ZNF560: variants seen among roughly 807,000 people sequenced by gnomAD.
The protein encoded by ZNF560 is zinc finger protein 560.
ZNF560 carries 54 observed loss-of-function variants against 81.8 expected under a neutral mutation model. That is an observed-to-expected ratio of 0.66 (90% CI 0.53 to 0.83). ZNF560 has a LOEUF of 0.83. ZNF560 is among the 40% of genes least tolerant of loss of function. The probability of loss-of-function intolerance (pLI) is 0.00; values close to 1 mark genes in which losing one functional copy is unlikely to be tolerated. For missense variants in ZNF560, 940 were observed against 932.4 expected, an observed-to-expected ratio of 1.01 and a Z score of -0.11; for synonymous variants, 321 against 317.9, an observed-to-expected ratio of 1.01 and a Z score of -0.10.
At chr19:9,494,437 T>A (rs900304974) in intron 2 of ZNF560, among the ~76,000 whole-genome samples, 3 of 152,002 alleles carry the variant, frequency 2.0e-5, no homozygotes, top group Non-Finnish European at 2.9e-5. Flanking sequence ...CATGTTGCAT[T>A]AAAAGATGGG....
the ZNF560 span, among the ~76,000 whole-genome samples, chr19:9,459,541 T>G: frequency 2.4e-4 from 37 of 151,778 alleles, no homozygotes; most frequent in African/African-American, 8.9e-4. Flanking sequence ...TATGGCAGAG[T>G]CAAAGGAATG....
downstream of ZNF560, among the ~76,000 whole-genome samples, chr19:9,461,704 G>A (rs1273974386): frequency 6.6e-6 from 1 of 152,172 alleles, no homozygotes; most frequent in Non-Finnish European, 1.5e-5. Flanking sequence ...AATATGGAAT[G>A]CAGCTGAAAT....
rs781094704 is a variant in ZNF560, at chr19:9,471,311, A to G, written c.306T>C (p.Ser102=). Residue 102 remains serine, a synonymous_variant, in exon 6 of 10, where the codon TCT becomes TCC. Coordinates refer to ENST00000301480, the MANE Select transcript of ZNF560 (RefSeq NM_152476.3). ...TTAACATTACCATTTGTATCCCATT[A>G]GAAGTTTGTATTTTCCAAAACTCCT... The part of the protein sequence containing the change: ...LQQEFWKIQT[S]NGIQMDLVTF... 6.2e-7 allele frequency: 1 copy of G among 1,600,834 alleles called. No homozygotes were observed. The highest frequency in any genetic ancestry group is 8.5e-7 in the Non-Finnish European group (1 of 1,174,910).
At chr19:9,469,321 TA>T (rs1808905427) in intron 8 of ZNF560, 134 bp from the exon 9 acceptor site, 1 of 679,684 alleles carries the variant, frequency 1.5e-6, no homozygotes, top group African/African-American at 1.8e-5. Context: ...TAGTAATTTT[TA>T]AAACAACTTA....
chr19:9,478,331 A>G (rs1021772793), intron 2 of ZNF560, among the ~76,000 whole-genome samples: 1 of 152,234 alleles, frequency 6.6e-6, no homozygotes, highest in Non-Finnish European at 1.5e-5. Flanking sequence ...GGAATGAAAA[A>G]GAGATGAAGA....
At chr19:9,461,952 C>T (rs2072938735), downstream of ZNF560, among the ~76,000 whole-genome samples, 1 of 152,184 alleles carries the variant, frequency 6.6e-6, no homozygotes, top group Non-Finnish European at 1.5e-5. Context: ...CTATGAAATG[C>T]ATAAAAACAC....
Position 9,485,550 on chromosome 19 carries a change from T to A in ZNF560, c.-56-10181A>T, listed in dbSNP as rs1206994093. Among the ~76,000 whole-genome samples the A allele has an allele frequency of 3.6e-5, 5 of 138,108 alleles. No individual in the cohort carries two copies. The East Asian group carries it at 8.7e-4, about 24-fold the overall frequency. 90.6% of individuals were successfully genotyped at this position (138,108 alleles called of 152,430 possible). On this transcript the variant is annotated intron_variant, in intron 2 of 9. Transcript: ENST00000301480. Reference sequence around the variant, plus strand: ...GTGCTGAAGAACATTAACCAAAAGATTTTTTTTTTTTTTGAGACAGAGTCT... The same window carrying A: ...GTGCTGAAGAACATTAACCAAAAGAATTTTTTTTTTTTTGAGACAGAGTCT...
chr19:9,474,371 C>G (rs372240235), intron 3 of ZNF560, 46 bp from the exon 4 acceptor site: 11 of 1,570,378 alleles, frequency 7.0e-6, no homozygotes, highest in Non-Finnish European at 9.5e-6. Flanking sequence ...AACAGATTAA[C>G]CAGTGTTCAC....
intron 2 of ZNF560, among the ~76,000 whole-genome samples, chr19:9,490,457 A>G (rs913687642): frequency 7.9e-5 from 12 of 152,206 alleles, no homozygotes; most frequent in African/African-American, 2.9e-4. Flanking sequence ...TATTGGTGTT[A>G]GCAAACTGAT....
intron 2 of ZNF560, among the ~76,000 whole-genome samples, chr19:9,478,851 G>A (rs1307389870): frequency 6.7e-6 from 1 of 149,872 alleles, no homozygotes; most frequent in Admixed American, 6.7e-5. Context: ...AAGAAACAAA[G>A]AATATAAAAA....
At chr19:9,503,675 C>T in the ZNF560 span, among the ~76,000 whole-genome samples, 2 of 152,124 alleles carry the variant, frequency 1.3e-5, no homozygotes, top group Non-Finnish European at 2.9e-5. Context: ...GCTGGGACTA[C>T]AGGCACATGC....
intron 2 of ZNF560, among the ~76,000 whole-genome samples, chr19:9,493,607 C>T (rs896895390): frequency 2.0e-4 from 30 of 152,200 alleles, no homozygotes; most frequent in African/African-American, 7.2e-4. Flanking sequence ...AGTGATCCAC[C>T]CGCCTCCCAA....
intron 2 of ZNF560, among the ~76,000 whole-genome samples, chr19:9,488,641 T>C (rs10420983): frequency 0.15 from 22,830 of 151,956 alleles, 2,552 homozygotes; most frequent in African/African-American, 0.31. Context: ...ACTCTGATAA[T>C]ATATCACAAG....
rs2073055908 is a variant in ZNF560, at chr19:9,467,898, C to T, written c.1049G>A (p.Cys350Tyr). Residue 350 changes from cysteine to tyrosine, a missense_variant, in exon 10 of 10, where the codon TGT becomes TAT. Cys to Tyr is a radical substitution (Grantham distance 194). Transcript: ENST00000301480. ...TCTAAAATCTTTTCCACATTCCTTACATTCATAGGGGTTTTTAATAATGTG... is the reference window on the plus strand; with the variant it reads ...TCTAAAATCTTTTCCACATTCCTTATATTCATAGGGGTTTTTAATAATGTG... ...ETHIIKNPYECKECGKDFRYP... is the reference protein window; with the variant it reads ...ETHIIKNPYEYKECGKDFRYP... 4 of 1,614,152 alleles carry T rather than the reference C, an allele frequency of 2.5e-6. No individual in the cohort carries two copies. The highest frequency in any genetic ancestry group is 2.5e-6 in the Non-Finnish European group (3 of 1,180,020).
At position 9,469,680 on chromosome 19, in the gene ZNF560, GA is replaced by G. The variant is rs777188700; in HGVS notation, c.478del (p.Ser160LeufsTer9). The G allele has an allele frequency of 2.5e-6, 4 of 1,614,070 alleles. No individual in the cohort carries two copies. The African/African-American group carries it at 5.3e-5, about 22-fold the overall frequency. ...CAACTCTTCCTCTTCCTCCAGCCAA[GA>G]GATCAGACTGGGTTTGAAGAGCTGG... The part of the protein sequence containing the change: ...GYQLFKPSLI[S>X]WLEEEEELST... On this transcript the variant is annotated frameshift_variant, in exon 8 of 10. Coordinates refer to ENST00000301480, the MANE Select transcript of ZNF560 (RefSeq NM_152476.3). LOFTEE classifies it high-confidence loss of function.
the ZNF560 span, among the ~76,000 whole-genome samples, chr19:9,451,904 C>T: frequency 0.42 from 64,258 of 151,560 alleles, 15,473 homozygotes; most frequent in Non-Finnish European, 0.55. Context: ...GTGAAACCCC[C>T]ATCTCTACCA....
Position 9,467,441 on chromosome 19 carries a change from A to G in ZNF560, c.1506T>C (p.Ser502=), listed in dbSNP as rs1237476852. 6.2e-7 allele frequency: 1 copy of G among 1,613,892 alleles called. No homozygotes were observed. The highest frequency in any genetic ancestry group is 8.5e-7 in the Non-Finnish European group (1 of 1,179,956). ...TGTGAGTTCTCAAATGAGCAAAAAG[A>G]GATGAGAAAGAAACAAAGACTTTCC... ...QCGKVFVSFS[S]LFAHLRTHTG... is the part of the protein sequence containing the mutation. The change falls in exon 10 of 10, where the codon TCT becomes TCC. Residue 502 remains serine (S), a synonymous_variant. Transcript: ENST00000301480.
intron 4 of ZNF560, 24 bp from the exon 5 acceptor site, chr19:9,473,283 T>A: frequency 6.3e-7 from 1 of 1,580,536 alleles, no homozygotes; most frequent in Non-Finnish European, 8.6e-7. Flanking sequence ...AATGATACAT[T>A]AATGGAAGAG....
chr19:9,481,747 T>C (rs2073292725), intron 2 of ZNF560, among the ~76,000 whole-genome samples: 1 of 152,184 alleles, frequency 6.6e-6, no homozygotes, highest in Non-Finnish European at 1.5e-5. Context: ...CCAGTTAGAA[T>C]GGCGATCATT....
Sources: allele counts gnomAD v4.1 joint callset (sites outside exome capture counted in the v4.1 genomes callset), GRCh38; gene constraint gnomAD v4.1.1; transcripts MANE v1.5; gene names NCBI Gene and HGNC (gene_info 2026-07-23, HGNC 2026-07-21).